Variants in HS6ST3 observed in about 807,000 individuals in gnomAD.
HS6ST3 encodes the protein heparan-sulfate 6-O-sulfotransferase 3.
HS6ST3 carries 12 observed loss-of-function variants against 36.7 expected under a neutral mutation model. That is an observed-to-expected ratio of 0.33 (90% CI 0.21 to 0.53). The LOEUF is 0.53. Ranked by LOEUF, HS6ST3 falls within the 20% of genes least tolerant of loss-of-function variation. The pLI is 0.95. For synonymous variants in HS6ST3, 240 were observed against 257.5 expected (o/e 0.93, Z 0.65); for missense variants, 584 against 640.9 (o/e 0.91, Z 0.96).
chr13:96,257,697 C>T (rs2054643853), intron 1 of HS6ST3, among the ~76,000 whole-genome samples: 1 of 152,110 alleles, frequency 6.6e-6, no homozygotes, highest in African/African-American at 2.4e-5. Context: ...ATAAATAAAG[C>T]TTCTACATAT....
intron 1 of HS6ST3, among the ~76,000 whole-genome samples, chr13:96,723,379 G>A (rs1031693553): frequency 2.6e-5 from 4 of 152,122 alleles, no homozygotes; most frequent in African/African-American, 9.7e-5. Context: ...ATGTAGTGAT[G>A]AGCAGAATAA....
chr13:96,770,625 C>T (rs866544117), intron 1 of HS6ST3, among the ~76,000 whole-genome samples: 5 of 152,112 alleles, frequency 3.3e-5, no homozygotes, highest in South Asian at 2.1e-4. Context: ...CTAGTAGATT[C>T]TATGGCACAG....
intron 1 of HS6ST3, among the ~76,000 whole-genome samples, chr13:96,473,566 C>T (rs1328230493): frequency 6.6e-6 from 1 of 152,210 alleles, no homozygotes; most frequent in African/African-American, 2.4e-5. Flanking sequence ...TGTCATCTCA[C>T]CTCTTGTCTC....
intron 1 of HS6ST3, among the ~76,000 whole-genome samples, chr13:96,731,651 A>G (rs559941268): frequency 6.6e-6 from 1 of 151,188 alleles, no homozygotes; most frequent in East Asian, 1.9e-4. Flanking sequence ...TTCAATTTTT[A>G]GTTTGTTTTG....
chr13:96,189,187 C>G (rs1302732989), intron 1 of HS6ST3, among the ~76,000 whole-genome samples: 1 of 151,808 alleles, frequency 6.6e-6, no homozygotes, highest in Non-Finnish European at 1.5e-5. Context: ...TTTTAATGCT[C>G]TTTTTATTTA....
rs895419056 is a variant in HS6ST3 at position 96,379,678 on chromosome 13, G to T, written c.707+288109G>T. On this transcript the variant is annotated intron_variant, in intron 1 of 1. Coordinates refer to ENST00000376705, the MANE Select transcript of HS6ST3 (RefSeq NM_153456.4). ...CAGATCTTTACCCGATAAAAATGCA[G>T]ATTTCTTAGCCACATTCTGAATCTA... is the stretch of plus-strand genomic sequence containing the variant. 2.0e-5 allele frequency among the ~76,000 whole-genome samples: 3 copies of T among 152,288 alleles called. No homozygotes were observed. In the East Asian group the frequency reaches 5.8e-4, roughly 29 times the overall value.
At chr13:96,304,716 T>TTCTTTCTTTC (rs1165990616) in intron 1 of HS6ST3, among the ~76,000 whole-genome samples, 1 of 134,332 alleles carries the variant, frequency 7.4e-6, no homozygotes, top group African/African-American at 2.8e-5. Context: ...TCTTTCTTTT[T>TTCTTTCTTTC]TTTTTTTTTT....
At chr13:96,305,945 G>A (rs771767605) in intron 1 of HS6ST3, among the ~76,000 whole-genome samples, 1 of 135,288 alleles carries the variant, frequency 7.4e-6, no homozygotes, top group African/African-American at 2.8e-5. Context: ...TTTTTTTTTA[G>A]ACAGGATCTC....
chr13:96,619,315 G>A (rs2138993571), intron 1 of HS6ST3, among the ~76,000 whole-genome samples: 1 of 152,274 alleles, frequency 6.6e-6, no homozygotes, highest in Non-Finnish European at 1.5e-5. Context: ...GTATCCTTTA[G>A]TATCATCAAT....
intron 1 of HS6ST3, among the ~76,000 whole-genome samples, chr13:96,356,098 T>C (rs2055208724): frequency 6.6e-6 from 1 of 152,192 alleles, no homozygotes; most frequent in South Asian, 2.1e-4. Flanking sequence ...ACTCATTTCA[T>C]ATGATATGAT....
intron 1 of HS6ST3, among the ~76,000 whole-genome samples, chr13:96,722,133 G>A (rs535017205): frequency 1.3e-5 from 2 of 152,124 alleles, no homozygotes; most frequent in Admixed American, 6.6e-5. Context: ...AGGCGTGCTG[G>A]TGGGTGCCTG....
intron 1 of HS6ST3, among the ~76,000 whole-genome samples, chr13:96,604,419 A>G (rs1043050746): frequency 2.0e-5 from 3 of 152,202 alleles, no homozygotes; most frequent in Admixed American, 1.3e-4. Context: ...TAGTGCTAGA[A>G]AAAGAATTTC....
intron 1 of HS6ST3, among the ~76,000 whole-genome samples, chr13:96,829,177 CAG>C (rs1878714510): frequency 1.3e-5 from 2 of 152,134 alleles, no homozygotes; most frequent in African/African-American, 4.8e-5. Flanking sequence ...AGCCAATTTT[CAG>C]AGTGTGGTGG....
intron 1 of HS6ST3, among the ~76,000 whole-genome samples, chr13:96,223,801 C>T (rs1594722107): frequency 1.3e-5 from 2 of 151,966 alleles, no homozygotes; most frequent in East Asian, 3.9e-4. Flanking sequence ...ATGTAACTGA[C>T]CCTGATAGTT....
chr13:96,156,885 C>G (rs1320120511), intron 1 of HS6ST3, among the ~76,000 whole-genome samples: 1 of 152,128 alleles, frequency 6.6e-6, no homozygotes, highest in African/African-American at 2.4e-5. Context: ...TTGACATTCT[C>G]TTATGGGAAT....
chr13:96,566,308 G>C (rs1219460308), intron 1 of HS6ST3, among the ~76,000 whole-genome samples: 1 of 152,064 alleles, frequency 6.6e-6, no homozygotes, highest in Non-Finnish European at 1.5e-5. Context: ...TTTTAGAACT[G>C]AAGGAATGCA....
At chr13:96,350,383 A>G (rs1464733650) in intron 1 of HS6ST3, among the ~76,000 whole-genome samples, 4 of 152,228 alleles carry the variant, frequency 2.6e-5, no homozygotes, top group African/African-American at 7.2e-5. Flanking sequence ...GACTCTGCTA[A>G]TGTTGCTCAA....
intron 1 of HS6ST3, among the ~76,000 whole-genome samples, chr13:96,191,502 T>C (rs982509025): frequency 3.3e-5 from 5 of 152,198 alleles, no homozygotes; most frequent in Admixed American, 2.6e-4. Flanking sequence ...ATAACTTCAA[T>C]TACTCCTTCA....
At chr13:96,584,835 C>T (rs951563816) in intron 1 of HS6ST3, among the ~76,000 whole-genome samples, 4 of 152,086 alleles carry the variant, frequency 2.6e-5, no homozygotes, top group Admixed American at 6.6e-5. Context: ...ATTTTTCTGC[C>T]CCAATTAGAA....
Sources: gnomAD v4.1 joint callset for allele counts (sites outside exome capture counted in the v4.1 genomes callset) on GRCh38, gnomAD v4.1.1 for gene constraint, MANE v1.5 for transcripts, NCBI Gene and HGNC (gene_info 2026-07-23, HGNC 2026-07-21) for gene names.